EXOSC8: variants seen among roughly 807,000 people sequenced by gnomAD.
EXOSC8 encodes exosome component 8, also known as exosome complex component RRP43.
In EXOSC8, 37 loss-of-function variants were observed where a neutral mutation model predicts 39.9. That is an observed-to-expected ratio of 0.93 (90% CI 0.71 to 1.22). EXOSC8 has a LOEUF of 1.22. Ranked by LOEUF, EXOSC8 falls within the 50% of genes most tolerant of loss-of-function variation. EXOSC8 has a pLI of 0.00. For synonymous variants in EXOSC8, 93 were observed against 109.5 expected (o/e 0.85, Z 0.94); for missense variants, 313 against 326.6 (o/e 0.96, Z 0.32).
Position 37,008,253 on chromosome 13 carries a change from T to C in EXOSC8, c.608+76T>C, listed in dbSNP as rs1452521947. 1.2e-5 allele frequency: 15 copies of C among 1,212,978 alleles called. No individual in the cohort carries two copies. In the East Asian group the frequency reaches 2.1e-4, roughly 17 times the overall value. The allele number at this position is 1,212,978 out of a possible 1,614,324, so 75.1% of individuals were successfully genotyped here. On this transcript the variant is annotated intron_variant, in intron 9 of 10. Coordinates refer to ENST00000389704, the MANE Select transcript of EXOSC8 (RefSeq NM_181503.3). ...ATTGATGTTCAGCATTCTAACTCTT[T>C]AGGAAGTGCTATGGTGACCCTACAT... is the stretch of plus-strand genomic sequence containing the variant.
intron 10 of EXOSC8, 32 bp downstream of exon 10, chr13:37,008,867 T>G: frequency 2.9e-6 from 4 of 1,387,094 alleles, no homozygotes; most frequent in Non-Finnish European, 4.1e-6. Flanking sequence ...CCTAAACATA[T>G]GTAGATGAAA....
chr13:37,001,955 CT>C (rs1331811808), intron 1 of EXOSC8, among the ~76,000 whole-genome samples: 1 of 151,932 alleles, frequency 6.6e-6, no homozygotes, highest in Non-Finnish European at 1.5e-5. Context: ...TTAAAATAAT[CT>C]TTTTTCATGA....
chr13:37,000,928 G>A (rs2059096117), intron 1 of EXOSC8, 106 bp downstream of exon 1: 10 of 1,334,948 alleles, frequency 7.5e-6, no homozygotes, highest in Non-Finnish European at 1.0e-5. Flanking sequence ...CCGTTGGGGT[G>A]CCATTTCCTT....
At chr13:37,005,646 T>A (rs544251990) in intron 5 of EXOSC8, among the ~76,000 whole-genome samples, 1 of 152,002 alleles carries the variant, frequency 6.6e-6, no homozygotes, top group East Asian at 1.9e-4. Flanking sequence ...GGCGGGCGGA[T>A]CACGAGGTCA....
chr13:37,008,812 A>C lies in EXOSC8; in HGVS notation c.692A>C (p.Lys231Thr). 6.2e-7 allele frequency: 1 copy of C among 1,610,728 alleles called. No individual in the cohort carries two copies. Among genetic ancestry groups the C allele is most frequent in the Non-Finnish European group, 8.5e-7 (1 of 1,177,346 alleles). The change falls in exon 10 of 11, where the codon AAA (lysine) becomes ACA (threonine). Residue 231 changes from lysine (K) to threonine (T), a missense_variant. Lys to Thr is a moderately conservative substitution (Grantham distance 78). Transcript: ENST00000389704. Reference protein sequence around the residue: ...TLTIVMDEEGKLCCLHKPGGS... With the variant: ...TLTIVMDEEGTLCCLHKPGGS... ...ACAATAGTAATGGATGAGGAAGGCA[A>C]ACTCTGTTGTCTTCACAAACCAGGC...
At chr13:37,000,843 G>C in intron 1 of EXOSC8, 21 bp downstream of exon 1, 1 of 1,558,996 alleles carries the variant, frequency 6.4e-7, no homozygotes, top group Non-Finnish European at 8.7e-7. Flanking sequence ...GCGGGTGGCG[G>C]GTAGAGTTCT....
At chr13:37,003,590 A>G (rs981432803) in intron 4 of EXOSC8, 1 of 152,412 alleles carries the variant, frequency 6.6e-6, no homozygotes, top group Non-Finnish European at 1.5e-5. Flanking sequence ...ACTACAGTAT[A>G]CCCTGTGTTA....
At chr13:37,001,108 T>G (rs1220269648) in intron 1 of EXOSC8, among the ~76,000 whole-genome samples, 1 of 152,144 alleles carries the variant, frequency 6.6e-6, no homozygotes, top group Non-Finnish European at 1.5e-5. Flanking sequence ...GAGACATAGT[T>G]GTAATCTTTT....
intron 1 of EXOSC8, 135 bp from the exon 2 acceptor site, chr13:37,002,138 C>T (rs1218859712): frequency 6.5e-6 from 4 of 610,730 alleles, no homozygotes; most frequent in Non-Finnish European, 1.2e-5. Context: ...AGGATTTTTA[C>T]TTTCTAGAAT....
At position 37,002,555 on chromosome 13, in the gene EXOSC8, A is replaced by G; in HGVS notation, c.118+4A>G. 1 of 1,577,858 alleles carries G rather than the reference A, an allele frequency of 6.3e-7. No homozygotes were observed. The highest frequency in any genetic ancestry group is 1.7e-5 in the Admixed American group (1 of 57,150). Reference sequence around the variant, plus strand: ...AGAACCACAACTGTCAACATCGGTAAGGATGTATTTTCCACTTTCAACTGT... The same window carrying G: ...AGAACCACAACTGTCAACATCGGTAGGGATGTATTTTCCACTTTCAACTGT... On this transcript the variant is annotated splice_donor_region_variant and intron_variant, in intron 3 of 10. Coordinates refer to ENST00000389704, the MANE Select transcript of EXOSC8 (RefSeq NM_181503.3).
chr13:37,005,959 TC>T lies in EXOSC8; in HGVS notation c.280del (p.Arg94GlyfsTer25), dbSNP rs1366301381. 6.2e-7 allele frequency: 1 copy of T among 1,612,316 alleles called. No individual in the cohort carries two copies. The highest frequency in any genetic ancestry group is 1.3e-5 in the African/African-American group (1 of 74,792). On this transcript the variant is annotated frameshift_variant, in exon 6 of 11. Transcript: ENST00000389704. LOFTEE classifies it high-confidence loss of function. Reference sequence around the variant, plus strand: ...CTACCACCCCTGTGTTCATCGAGATTCCGGTCTGGACCTCCTGGAGAAGAGG... The same window carrying T: ...CTACCACCCCTGTGTTCATCGAGATTCGGTCTGGACCTCCTGGAGAAGAGG... ...VDLPPLCSSR[F>X]RSGPPGEEAQ... is the part of the protein sequence containing the mutation.
intron 8 of EXOSC8, 114 bp from the exon 9 acceptor site, chr13:37,007,943 A>G (rs1263245490): frequency 1.3e-6 from 1 of 785,058 alleles, no homozygotes; most frequent in African/African-American, 1.8e-5. Flanking sequence ...TGCTTTTTAA[A>G]AAGAAATGTT....
chr13:37,006,192 T>C (rs200938207), intron 7 of EXOSC8, 32 bp downstream of exon 7: 3 of 1,508,222 alleles, frequency 2.0e-6, no homozygotes, highest in Non-Finnish European at 2.7e-6. Flanking sequence ...TAAGTTCTTA[T>C]TAATTCTGAA....
intron 4 of EXOSC8, chr13:37,004,298 A>G: frequency 2.6e-6 from 1 of 388,688 alleles, no homozygotes; most frequent in East Asian, 3.7e-5. Flanking sequence ...AAAGATCTCC[A>G]GGTAATCTTG....
Position 37,009,200 on chromosome 13 carries a change from T to A in EXOSC8, c.732T>A (p.Thr244=), listed in dbSNP as rs779224499. 6.2e-7 allele frequency: 1 copy of A among 1,610,528 alleles called. No homozygotes were observed. The highest frequency in any genetic ancestry group is 8.5e-7 in the Non-Finnish European group (1 of 1,178,410). ...CLHKPGGSGL[T]GAKLQDCMSR... ...ATTTTTCAGGTGGAAGTGGGCTAAC[T>A]GGAGCTAAACTTCAGGACTGTATGA... Residue 244 remains threonine, a synonymous_variant, in exon 11 of 11, where the codon ACT becomes ACA. Coordinates refer to ENST00000389704, the MANE Select transcript of EXOSC8 (RefSeq NM_181503.3).
In EXOSC8 at chr13:37,006,134, G is replaced by C; in HGVS notation, c.364G>C (p.Glu122Gln). ...VIENSQIIQK[E>Q]DLCISPGKLV... ...ATCAAGTTCACAGATAATTCAGAAA[G>C]AGGACTTATGCATTTCTCCAGGAAA... Residue 122 changes from glutamate (E) to glutamine (Q), a missense_variant, in exon 7 of 11, where the codon GAG becomes CAG. Coordinates refer to ENST00000389704, the MANE Select transcript of EXOSC8 (RefSeq NM_181503.3). 6.2e-7 allele frequency: 1 copy of C among 1,610,728 alleles called. No homozygotes were observed. The highest frequency in any genetic ancestry group is 8.5e-7 in the Non-Finnish European group (1 of 1,177,128).
chr13:37,004,945 T>G (rs1004430447), intron 5 of EXOSC8, among the ~76,000 whole-genome samples: 2 of 152,166 alleles, frequency 1.3e-5, no homozygotes, highest in South Asian at 4.1e-4. Context: ...GGAGACCCCG[T>G]ATCTACAAAA....
In EXOSC8 at chr13:37,002,927, T is replaced by C. The variant is rs1402466840; in HGVS notation, c.119-7T>C. On this transcript the variant is annotated splice_polypyrimidine_tract_variant and splice_region_variant and intron_variant, in intron 3 of 10. Coordinates refer to ENST00000389704, the MANE Select transcript of EXOSC8 (RefSeq NM_181503.3). ...TTATGAACCTTTCATTTTGCTTATCTTTTCAGGTTCAATTAGTACCGCAGA... is the reference window on the plus strand; with the variant it reads ...TTATGAACCTTTCATTTTGCTTATCCTTTCAGGTTCAATTAGTACCGCAGA... 6.3e-7 allele frequency: 1 copy of C among 1,595,792 alleles called. No individual in the cohort carries two copies. Among genetic ancestry groups the C allele is most frequent in the East Asian group, 2.2e-5 (1 of 44,648 alleles).
rs1190739905 is a variant in EXOSC8 at position 37,005,412 on chromosome 13, A to T, written c.239-508A>T. 4.6e-5 allele frequency among the ~76,000 whole-genome samples: 7 copies of T among 152,168 alleles called. No homozygotes were observed. The East Asian group carries it at 1.3e-3, about 29-fold the overall frequency. On this transcript the variant is annotated intron_variant, in intron 5 of 10. Coordinates refer to ENST00000389704, the MANE Select transcript of EXOSC8 (RefSeq NM_181503.3). ...TTTTTTAAAAAGGCATATGGGGGAA[A>T]AATGTCAGAAAAATAGAAATTTCAT...
Sources: gnomAD v4.1 joint callset for allele counts (sites outside exome capture counted in the v4.1 genomes callset) on GRCh38, gnomAD v4.1.1 for gene constraint, MANE v1.5 for transcripts, NCBI Gene and HGNC (gene_info 2026-07-23, HGNC 2026-07-21) for gene names.